PDE4D: variants seen among roughly 807,000 people sequenced by gnomAD.
The protein encoded by PDE4D is phosphodiesterase 4D.
Under a neutral mutation model 87.4 loss-of-function variants are expected in PDE4D, and 24 were observed. The ratio of observed to expected loss-of-function variants is 0.27; its 90% CI spans 0.20 to 0.39. The LOEUF is 0.39. Among genes scored for constraint, PDE4D ranks in the 10% least tolerant of loss-of-function variants. The probability of loss-of-function intolerance (pLI) is 1.00; values close to 1 mark genes in which losing one functional copy is unlikely to be tolerated. For missense variants in PDE4D, 714 were observed against 1,041.0 expected, an observed-to-expected ratio of 0.69 and a Z score of 4.32; for synonymous variants, 384 against 383.2, an observed-to-expected ratio of 1.00 and a Z score of -0.02.
chr5:60,263,399 G>A (rs1184270790), intron 1 of PDE4D, among the ~76,000 whole-genome samples: 5 of 152,266 alleles, frequency 3.3e-5, no homozygotes, highest in African/African-American at 7.2e-5. Context: ...CCCGTCTAGC[G>A]GCTGGGTGAC....
At chr5:59,261,822 G>A (rs1762052425) in intron 1 of PDE4D, among the ~76,000 whole-genome samples, 1 of 151,622 alleles carries the variant, frequency 6.6e-6, no homozygotes, top group African/African-American at 2.4e-5. Context: ...CTTGTTAGGA[G>A]GTGATTAAGT....
Position 59,404,092 on chromosome 5 carries a change from T to G in PDE4D, c.456-188124A>C, listed in dbSNP as rs1172730753. On this transcript the variant is annotated intron_variant, in intron 1 of 14. Coordinates refer to ENST00000340635, the MANE Select transcript of PDE4D (RefSeq NM_001104631.2). ...CCTTTTCATATGACTGTTTGCCATT[T>G]GTATGTCTTCTTTTCAGAAATGTCT... Among the ~76,000 whole-genome samples, 3 of 152,252 alleles carry G rather than the reference T, an allele frequency of 2.0e-5. No homozygotes were observed. In the East Asian group the frequency reaches 5.8e-4, roughly 29 times the overall value.
At position 59,396,863 on chromosome 5, in the gene PDE4D, G is replaced by C. The variant is rs1431812148; in HGVS notation, c.456-180895C>G. Among the ~76,000 whole-genome samples, 5 of 114,662 alleles carry C rather than the reference G, an allele frequency of 4.4e-5. 1 individual carries two copies. 75.2% of individuals were successfully genotyped at this position (114,662 alleles called of 152,430 possible). ...ATCTCACATGCAGAGACACACATAG[G>C]CTCAAAATAAAAGGATGGAGGAAGA... On this transcript the variant is annotated intron_variant, in intron 1 of 14. Coordinates refer to ENST00000340635, the MANE Select transcript of PDE4D (RefSeq NM_001104631.2).
chr5:59,363,480 T>C (rs17782238), intron 1 of PDE4D, among the ~76,000 whole-genome samples: 19,193 of 152,128 alleles, frequency 0.13, 1,320 homozygotes, highest in African/African-American at 0.16. Context: ...GGAATATAAG[T>C]AAATACAGGA....
intron 1 of PDE4D, among the ~76,000 whole-genome samples, chr5:60,193,532 A>C (rs1052565553): frequency 6.6e-6 from 1 of 151,352 alleles, no homozygotes; most frequent in Non-Finnish European, 1.5e-5. Flanking sequence ...TAGCCGGGCG[A>C]GGTGGCGGGC....
At chr5:58,976,297 G>A in intron 13 of PDE4D, 53 bp downstream of exon 13, 2 of 1,586,768 alleles carry the variant, frequency 1.3e-6, no homozygotes, top group Non-Finnish European at 8.6e-7. Context: ...ACGCAGACAT[G>A]TGCACATGTG....
chr5:59,408,515 C>A (rs989626965), intron 1 of PDE4D, among the ~76,000 whole-genome samples: 17 of 152,192 alleles, frequency 1.1e-4, no homozygotes, highest in African/African-American at 4.1e-4. Flanking sequence ...CAAAGAATCC[C>A]CCCTGGGGCA....
At chr5:59,793,841 G>A (rs1766111001) in intron 1 of PDE4D, among the ~76,000 whole-genome samples, 2 of 152,168 alleles carry the variant, frequency 1.3e-5, no homozygotes, top group Admixed American at 6.5e-5. Context: ...TTAAGCCGTG[G>A]TGACAGAGAG....
intron 5 of PDE4D, among the ~76,000 whole-genome samples, chr5:59,116,695 A>G (rs1277945172): frequency 6.6e-6 from 1 of 152,204 alleles, no homozygotes; most frequent in Non-Finnish European, 1.5e-5. Context: ...AGAGCTGTTT[A>G]AATGATGACG....
chr5:60,087,301 G>T (rs62370576), intron 2 of PDE4D, among the ~76,000 whole-genome samples: 1 of 152,162 alleles, frequency 6.6e-6, no homozygotes, highest in Non-Finnish European at 1.5e-5. Flanking sequence ...ATTGGAAGAG[G>T]TAGCTGACTC....
chr5:60,048,478 T>C (rs1365940622), intron 2 of PDE4D, among the ~76,000 whole-genome samples: 2 of 152,210 alleles, frequency 1.3e-5, no homozygotes, highest in African/African-American at 2.4e-5. Flanking sequence ...CTTTACATTT[T>C]GGCATGATTT....
intron 2 of PDE4D, among the ~76,000 whole-genome samples, chr5:60,079,633 A>G (rs1439634142): frequency 6.6e-6 from 1 of 152,088 alleles, no homozygotes; most frequent in Non-Finnish European, 1.5e-5. Flanking sequence ...TGAATAAGAG[A>G]TCTTTTCTCC....
intron 1 of PDE4D, among the ~76,000 whole-genome samples, chr5:59,286,855 T>C (rs1405213021): frequency 6.6e-6 from 1 of 152,216 alleles, no homozygotes; most frequent in African/African-American, 2.4e-5. Flanking sequence ...CTTTACTATG[T>C]TGGTTCTTTC....
At position 59,053,664 on chromosome 5, in the gene PDE4D, T is replaced by TTG. The variant is rs1304325273; in HGVS notation, c.809-14694_809-14693insCA. On this transcript the variant is annotated intron_variant, in intron 5 of 14. Transcript: ENST00000340635. The stretch of plus-strand genomic sequence containing the variant: ...TTTTTTGTTTTTTTTTGTTGTTGTT[T>TTG]TTTTTTTTTGGCCAGGCACGGTCGC... Among the ~76,000 whole-genome samples, 779 of 126,612 alleles carry TTG rather than the reference T, an allele frequency of 6.2e-3. 45 individuals carry two copies. Among genetic ancestry groups the TTG allele is most frequent in the African/African-American group, 0.021 (744 of 35,422 alleles). The allele number at this position is 126,612 out of a possible 152,430, so 83.1% of individuals were successfully genotyped here. A position where few individuals can be genotyped will look rare whatever the true frequency, so the allele number is the denominator to read the frequency against.
chr5:60,281,110 C>T (rs933709344), intron 1 of PDE4D, among the ~76,000 whole-genome samples: 2 of 152,130 alleles, frequency 1.3e-5, no homozygotes, highest in African/African-American at 4.8e-5. Context: ...GCTAAGTCTA[C>T]CCCTCCCTCT....
intron 2 of PDE4D, among the ~76,000 whole-genome samples, chr5:60,106,397 A>G (rs530992025): frequency 6.6e-6 from 1 of 151,534 alleles, no homozygotes; most frequent in East Asian, 1.9e-4. Flanking sequence ...AGACTCCCAC[A>G]CAATAATAAT....
intron 1 of PDE4D, among the ~76,000 whole-genome samples, chr5:60,233,548 G>A (rs945732491): frequency 1.3e-5 from 2 of 151,014 alleles, no homozygotes; most frequent in Non-Finnish European, 3.0e-5. Flanking sequence ...GCCATCTACT[G>A]TAACTAACAT....
At chr5:60,078,015 A>G (rs576458402) in intron 2 of PDE4D, among the ~76,000 whole-genome samples, 1 of 152,180 alleles carries the variant, frequency 6.6e-6, no homozygotes, top group African/African-American at 2.4e-5. Context: ...CCCTGTGAAG[A>G]TCTGCTAGGA....
intron 1 of PDE4D, among the ~76,000 whole-genome samples, chr5:60,328,443 C>T (rs1757001462): frequency 6.7e-6 from 1 of 149,918 alleles, no homozygotes; most frequent in Admixed American, 6.6e-5. Context: ...ATTTAGTCAA[C>T]ATTATGTTTA....
Sources: allele counts gnomAD v4.1 joint callset (sites outside exome capture counted in the v4.1 genomes callset), GRCh38; gene constraint gnomAD v4.1.1; transcripts MANE v1.5; gene names NCBI Gene and HGNC (gene_info 2026-07-23, HGNC 2026-07-21).